Variants in STK32A observed in about 807,000 individuals in gnomAD.
The protein encoded by STK32A is serine/threonine kinase 32A.
In STK32A, 41 loss-of-function variants were observed where a neutral mutation model predicts 53.2. The observed-to-expected ratio is 0.77, with a 90% CI of 0.60 to 1.00. The LOEUF (loss-of-function observed/expected upper bound fraction) is 1.00. Among genes scored for constraint, STK32A ranks in the 50% least tolerant of loss-of-function variants. The probability of loss-of-function intolerance (pLI) is 0.00; values close to 1 mark genes in which losing one functional copy is unlikely to be tolerated. For missense variants in STK32A, 458 were observed against 485.8 expected, an observed-to-expected ratio of 0.94 and a Z score of 0.54; for synonymous variants, 166 against 162.8, an observed-to-expected ratio of 1.02 and a Z score of -0.15.
At chr5:147,242,350 G>A (rs1273483795) in intron 2 of STK32A, among the ~76,000 whole-genome samples, 1 of 152,248 alleles carries the variant, frequency 6.6e-6, no homozygotes, top group Non-Finnish European at 1.5e-5. Context: ...GAGGAAACAA[G>A]TTGGTCCTTG....
intron 2 of STK32A, among the ~76,000 whole-genome samples, chr5:147,254,253 A>T (rs1482011939): frequency 6.6e-6 from 1 of 152,156 alleles, no homozygotes; most frequent in Non-Finnish European, 1.5e-5. Context: ...TTTGGGAGAC[A>T]CCTTTGGTTT....
chr5:147,255,072 G>A (rs529736086), intron 2 of STK32A, among the ~76,000 whole-genome samples: 1 of 152,240 alleles, frequency 6.6e-6, no homozygotes, highest in South Asian at 2.1e-4. Flanking sequence ...CCCAGGAGGC[G>A]GAGCTTGCAG....
intron 4 of STK32A, among the ~76,000 whole-genome samples, chr5:147,314,132 G>A (rs921191900): frequency 4.6e-5 from 7 of 152,078 alleles, no homozygotes; most frequent in Non-Finnish European, 4.4e-5. Flanking sequence ...TATCAAAAAA[G>A]TGAAAAGTCA....
intron 6 of STK32A, chr5:147,348,704 T>C (rs1378564446): frequency 1.3e-6 from 1 of 774,198 alleles, no homozygotes. Flanking sequence ...GATACCTGGC[T>C]CTCCTACAAG....
At chr5:147,251,723 C>T (rs2053033) in intron 2 of STK32A, among the ~76,000 whole-genome samples, 36,876 of 152,004 alleles carry the variant, frequency 0.24, 4,488 homozygotes, top group Admixed American at 0.3. Flanking sequence ...TCGCTTCTGC[C>T]GTAACTCACA....
rs534806996 is a variant in STK32A at position 147,315,675 on chromosome 5, C to T, written c.261-8223C>T. On this transcript the variant is annotated intron_variant, in intron 4 of 12. Transcript: ENST00000397936. ...GGTGATGGTTGTAGAACATTCTGAACGTACATAGTGCCACTGAATTGTACT... is the reference window on the plus strand; with the variant it reads ...GGTGATGGTTGTAGAACATTCTGAATGTACATAGTGCCACTGAATTGTACT... Among the ~76,000 whole-genome samples the T allele has an allele frequency of 6.6e-5, 10 of 152,100 alleles. No homozygotes were observed. In the South Asian group the frequency reaches 8.3e-4, roughly 13 times the overall value.
intron 8 of STK32A, among the ~76,000 whole-genome samples, chr5:147,368,643 G>A: frequency 6.6e-6 from 1 of 152,114 alleles, no homozygotes; most frequent in Non-Finnish European, 1.5e-5. Flanking sequence ...TCTGGTAGTT[G>A]ATTAATTCAA....
intron 1 of STK32A, among the ~76,000 whole-genome samples, chr5:147,238,238 CTGTT>C (rs1753410483): frequency 2.6e-5 from 4 of 152,206 alleles, no homozygotes; most frequent in Admixed American, 2.6e-4. Flanking sequence ...TGGTGACAAT[CTGTT>C]TGATCTGAGC....
intron 2 of STK32A, 64 bp downstream of exon 2, chr5:147,239,750 T>C (rs1753486984): frequency 3.2e-6 from 4 of 1,240,016 alleles, no homozygotes; most frequent in African/African-American, 1.5e-5. Flanking sequence ...TATATGCTTC[T>C]AGTTTCATAA....
intron 11 of STK32A, among the ~76,000 whole-genome samples, chr5:147,376,259 T>A (rs897290157): frequency 2.0e-5 from 3 of 152,156 alleles, no homozygotes; most frequent in Non-Finnish European, 4.4e-5. Flanking sequence ...CTCGTCAGAT[T>A]CCCTTCAGGA....
At chr5:147,320,289 T>C (rs2151976587) in intron 4 of STK32A, among the ~76,000 whole-genome samples, 1 of 152,316 alleles carries the variant, frequency 6.6e-6, no homozygotes, top group South Asian at 2.1e-4. Flanking sequence ...GACTTTCTTT[T>C]TTCTTTTTAC....
At chr5:147,277,353 C>T (rs1038213558) in intron 2 of STK32A, among the ~76,000 whole-genome samples, 8 of 152,088 alleles carry the variant, frequency 5.3e-5, no homozygotes, top group East Asian at 3.9e-4. Flanking sequence ...ATACATTTCA[C>T]GAGCATTGAC....
chr5:147,378,457 T>C (rs1757316186), intron 11 of STK32A, among the ~76,000 whole-genome samples: 1 of 152,152 alleles, frequency 6.6e-6, no homozygotes, highest in Non-Finnish European at 1.5e-5. Context: ...CCTCCCTGCC[T>C]TTAGTCTTAT....
intron 1 of STK32A, among the ~76,000 whole-genome samples, chr5:147,237,820 G>A (rs1753388237): frequency 6.6e-6 from 1 of 152,092 alleles, no homozygotes. Context: ...TTTCCTAATG[G>A]GAAAACGAGC....
chr5:147,399,498 T>C, the STK32A span, among the ~76,000 whole-genome samples: 1 of 152,242 alleles, frequency 6.6e-6, no homozygotes, highest in African/African-American at 2.4e-5. Context: ...ATGCATTTTT[T>C]TCTATATGTT....
intron 4 of STK32A, among the ~76,000 whole-genome samples, chr5:147,297,969 AC>A (rs1752944292): frequency 9.2e-6 from 1 of 108,672 alleles, no homozygotes; most frequent in South Asian, 3.9e-4. Context: ...ACAGAGCAAG[AC>A]TCTGTCTCAA....
chr5:147,239,502 G>A (rs1753472884), intron 1 of STK32A, 37 bp from the exon 2 acceptor site: 2 of 667,152 alleles, frequency 3.0e-6, no homozygotes, highest in South Asian at 2.0e-5. Context: ...CTAGAGTATA[G>A]CATATTATTA....
chr5:147,319,596 A>G (rs993099296), intron 4 of STK32A, among the ~76,000 whole-genome samples: 4 of 152,026 alleles, frequency 2.6e-5, no homozygotes, highest in Non-Finnish European at 5.9e-5. Flanking sequence ...CCAGAGCTAT[A>G]AGAAGAGCTA....
chr5:147,393,794 C>T, the STK32A span: 1 of 530,878 alleles, frequency 1.9e-6, no homozygotes, highest in Non-Finnish European at 3.4e-6. Context: ...TGTCTGATTG[C>T]ATGCATGTAA....
Sources: gnomAD v4.1 joint callset for allele counts (sites outside exome capture counted in the v4.1 genomes callset) on GRCh38, gnomAD v4.1.1 for gene constraint, MANE v1.5 for transcripts, NCBI Gene and HGNC (gene_info 2026-07-23, HGNC 2026-07-21) for gene names.